The following MIPOL1 variants were observed in gnomAD, a reference collection of about 807,000 sequenced individuals.
MIPOL1 encodes the protein mirror-image polydactyly 1.
MIPOL1 carries 57 observed loss-of-function variants against 60.9 expected under a neutral mutation model. The ratio of observed to expected loss-of-function variants is 0.94; its 90% CI spans 0.76 to 1.17. The LOEUF (loss-of-function observed/expected upper bound fraction) is 1.17, where lower values mean the gene tolerates loss of function less well. Among genes scored for constraint, MIPOL1 ranks in the 50% most tolerant of loss-of-function variants. MIPOL1 has a pLI of 0.00. For synonymous variants in MIPOL1, 179 were observed against 168.8 expected, an observed-to-expected ratio of 1.06 and a Z score of -0.47; for missense variants, 551 against 511.6, an observed-to-expected ratio of 1.08 and a Z score of -0.74.
chr14:37,368,242 A>G (rs1226333506), intron 9 of MIPOL1, among the ~76,000 whole-genome samples: 1 of 152,080 alleles, frequency 6.6e-6, no homozygotes, highest in Non-Finnish European at 1.5e-5. Flanking sequence ...TTATAATTGT[A>G]TTATATATGT....
At chr14:37,435,817 GT>G (rs5807953) in intron 11 of MIPOL1, among the ~76,000 whole-genome samples, 150,443 of 152,248 alleles carry the variant, frequency 0.99, 74,354 homozygotes, top group Middle Eastern at 1. Flanking sequence ...ATAGCAATGA[GT>G]TTTGTAAGTT....
intron 9 of MIPOL1, among the ~76,000 whole-genome samples, chr14:37,319,556 T>C (rs2088320839): frequency 6.6e-6 from 1 of 152,126 alleles, no homozygotes; most frequent in African/African-American, 2.4e-5. Flanking sequence ...AGGAGACCAA[T>C]GATTATGGGA....
chr14:37,221,908 A>G (rs2139524370), intron 1 of MIPOL1, among the ~76,000 whole-genome samples: 1 of 152,246 alleles, frequency 6.6e-6, no homozygotes, highest in African/African-American at 2.4e-5. Flanking sequence ...TCTTCTCATA[A>G]ACAGCAGCCC....
chr14:37,397,287 G>A (rs1218045441), intron 10 of MIPOL1, among the ~76,000 whole-genome samples: 1 of 151,662 alleles, frequency 6.6e-6, no homozygotes, highest in African/African-American at 2.4e-5. Context: ...GCTCTGGGCT[G>A]GTACTGGGGT....
At chr14:37,250,884 T>A (rs1184663195) in intron 3 of MIPOL1, among the ~76,000 whole-genome samples, 2 of 152,148 alleles carry the variant, frequency 1.3e-5, no homozygotes, top group Non-Finnish European at 2.9e-5. Flanking sequence ...CTAGCTTTAC[T>A]GTAGAAACGC....
intron 11 of MIPOL1, among the ~76,000 whole-genome samples, chr14:37,425,410 T>C (rs903381301): frequency 6.6e-6 from 1 of 152,188 alleles, no homozygotes; most frequent in Non-Finnish European, 1.5e-5. Context: ...AGTAGGATTA[T>C]ATGATCTCTT....
chr14:37,378,377 A>T (rs759667234), intron 10 of MIPOL1, among the ~76,000 whole-genome samples: 2 of 152,062 alleles, frequency 1.3e-5, no homozygotes. Flanking sequence ...CATGACTCAG[A>T]TGGGTCTCAA....
chr14:37,303,925 G>A (rs1391201150), intron 7 of MIPOL1, among the ~76,000 whole-genome samples: 3 of 151,734 alleles, frequency 2.0e-5, no homozygotes, highest in African/African-American at 7.2e-5. Context: ...AAGAGTCAGG[G>A]AAGGCCACAC....
At chr14:37,209,360 G>C (rs1966578444) in intron 1 of MIPOL1, among the ~76,000 whole-genome samples, 1 of 151,848 alleles carries the variant, frequency 6.6e-6, no homozygotes, top group African/African-American at 2.4e-5. Flanking sequence ...TGTTATTTTA[G>C]AAATTATATA....
At chr14:37,510,140 TAC>T (rs2095315869) in intron 12 of MIPOL1, among the ~76,000 whole-genome samples, 3 of 152,088 alleles carry the variant, frequency 2.0e-5, no homozygotes, top group Admixed American at 6.6e-5. Flanking sequence ...AGCTTATATA[TAC>T]ACACATCTAT....
At chr14:37,404,650 C>T (rs1306518776) in intron 10 of MIPOL1, among the ~76,000 whole-genome samples, 1 of 152,250 alleles carries the variant, frequency 6.6e-6, no homozygotes, top group East Asian at 1.9e-4. Context: ...TTAATAAATG[C>T]ATTCTCTATT....
At chr14:37,238,952 CA>C (rs1304668625) in intron 1 of MIPOL1, among the ~76,000 whole-genome samples, 3 of 144,404 alleles carry the variant, frequency 2.1e-5, no homozygotes, top group Admixed American at 6.9e-5. Flanking sequence ...GACCCAGTCT[CA>C]AAAAAAAAGT....
intron 11 of MIPOL1, among the ~76,000 whole-genome samples, chr14:37,483,661 A>C (rs1325432234): frequency 1.3e-5 from 2 of 151,952 alleles, no homozygotes; most frequent in Non-Finnish European, 2.9e-5. Flanking sequence ...TTAAGGGCAG[A>C]GTCTTGCTCT....
At chr14:37,403,003 C>T (rs897240236) in intron 10 of MIPOL1, among the ~76,000 whole-genome samples, 5 of 152,110 alleles carry the variant, frequency 3.3e-5, no homozygotes, top group African/African-American at 9.7e-5. Flanking sequence ...GAGAGAAGCA[C>T]GATTAGCTGT....
chr14:37,513,123 A>G (rs1191596053), intron 12 of MIPOL1, among the ~76,000 whole-genome samples: 1 of 152,102 alleles, frequency 6.6e-6, no homozygotes, highest in Non-Finnish European at 1.5e-5. Flanking sequence ...CAACATCTAA[A>G]CATGCTTAAT....
chr14:37,251,575 A>G (rs1181198618), intron 3 of MIPOL1, among the ~76,000 whole-genome samples: 1 of 151,780 alleles, frequency 6.6e-6, no homozygotes, highest in African/African-American at 2.4e-5. Flanking sequence ...GGAAAAAATG[A>G]AATGTCATAA....
chr14:37,377,931 T>C (rs1473227001), intron 10 of MIPOL1, among the ~76,000 whole-genome samples: 1 of 151,924 alleles, frequency 6.6e-6, no homozygotes, highest in Non-Finnish European at 1.5e-5. Flanking sequence ...TTACTATTTT[T>C]AAAACTTTTT....
chr14:37,337,748 G>A (rs889693322), intron 9 of MIPOL1, among the ~76,000 whole-genome samples: 2 of 151,868 alleles, frequency 1.3e-5, no homozygotes, highest in South Asian at 4.1e-4. Context: ...TGCTTATTGA[G>A]TTGTAAGAGT....
intron 11 of MIPOL1, among the ~76,000 whole-genome samples, chr14:37,457,649 A>T (rs2094492280): frequency 6.6e-6 from 1 of 152,178 alleles, no homozygotes; most frequent in Non-Finnish European, 1.5e-5. Context: ...GCTGATACAC[A>T]TGACCTTTTC....
Sources: allele counts gnomAD v4.1 joint callset (sites outside exome capture counted in the v4.1 genomes callset), GRCh38; gene constraint gnomAD v4.1.1; transcripts MANE v1.5; gene names NCBI Gene and HGNC (gene_info 2026-07-23, HGNC 2026-07-21).